NEB: variants seen among roughly 807,000 people sequenced by gnomAD.
NEB encodes nemaline myopathy type 2.
Under a neutral mutation model 952.2 loss-of-function variants are expected in NEB, and 512 were observed. The observed-to-expected ratio is 0.54, with a 90% CI of 0.50 to 0.58. The LOEUF (loss-of-function observed/expected upper bound fraction) is 0.58, where lower values mean the gene tolerates loss of function less well. Ranked by LOEUF, NEB falls within the 20% of genes least tolerant of loss-of-function variation. The pLI, the probability that NEB is intolerant of heterozygous loss-of-function variation, is 0.00. For synonymous variants in NEB, 2,900 were observed against 3,149.8 expected (o/e 0.92, Z 2.66); for missense variants, 8,428 against 9,231.1 (o/e 0.91, Z 3.56).
In NEB at chr2:151,692,323, T is replaced by C; in HGVS notation, c.1936A>G (p.Ser646Gly). The change falls in exon 21 of 182, where the codon AGT (serine) becomes GGT (glycine). Residue 646 changes from serine to glycine, a missense_variant. Coordinates refer to ENST00000397345, the MANE Select transcript of NEB (RefSeq NM_001164508.2). ...TTTGGGGTCTCACAGTAATTCATAC[T>C]CTTTGCCTTTGTCTTCTCATAGTTT... Reference protein sequence around the residue: ...KENYEKTKAKSMNYCETPKYQ... With the variant: ...KENYEKTKAKGMNYCETPKYQ... 1 of 1,613,406 alleles carries C rather than the reference T, an allele frequency of 6.2e-7. No homozygotes were observed. Among genetic ancestry groups the C allele is most frequent in the Non-Finnish European group, 8.5e-7 (1 of 1,179,580 alleles).
rs149596493 is a variant in NEB, at chr2:151,553,904, C to T, written c.19550G>A (p.Arg6517His). Reference protein sequence around the residue: ...KKVSEIDYRLRLHEWICHPDL... With the variant: ...KKVSEIDYRLHLHEWICHPDL... ...GGGGTGGCAAATCCATTCGTGGAGG[C>T]GCAGGCGGTAATCAATCTCACTGAC... is the stretch of plus-strand genomic sequence containing the variant. Residue 6517 changes from arginine to histidine, a missense_variant, in exon 126 of 182, where the codon CGC becomes CAC. By Grantham distance (29) the Arg-to-His change is conservative. This residue lies in a region of NEB where 3,374 missense variants were observed against 3,651.5 expected (regional missense o/e 0.92). Coordinates refer to ENST00000397345, the MANE Select transcript of NEB (RefSeq NM_001164508.2). 288 of 1,613,802 alleles carry T rather than the reference C, an allele frequency of 1.8e-4. 1 individual carries two copies. The East Asian group carries it at 5.2e-3, about 29-fold the overall frequency.
chr2:151,511,265 A>G (rs1487314739), intron 161 of NEB, among the ~76,000 whole-genome samples: 3 of 152,232 alleles, frequency 2.0e-5, no homozygotes, highest in Non-Finnish European at 4.4e-5. Flanking sequence ...TAAAAAGCTA[A>G]TTATTCTTCT....
rs112099765 is a variant in NEB, at chr2:151,496,246, A to G, written c.24486+30T>C. 9.7e-4 allele frequency: 1,477 copies of G among 1,524,814 alleles called. 11 individuals are homozygous for G. In the African/African-American group the frequency reaches 0.016, roughly 17 times the overall value. 94.5% of individuals were successfully genotyped at this position (1,524,814 alleles called of 1,614,324 possible). ...CATAAAAGTAGTTTTTAAAATCAGT[A>G]AGTAGTTTTTTTCTTTTCTCGCCAA... On this transcript the variant is annotated intron_variant, in intron 173 of 181. Coordinates refer to ENST00000397345, the MANE Select transcript of NEB (RefSeq NM_001164508.2).
intron 40 of NEB, 149 bp from the exon 41 acceptor site, chr2:151,666,550 C>G (rs552817361): frequency 1.4e-6 from 1 of 728,362 alleles, no homozygotes; most frequent in African/African-American, 1.8e-5. Flanking sequence ...AAACAATTAG[C>G]AAAATATTTT....
rs1189151767 is a variant in NEB, at chr2:151,619,523, C to A, written c.10800G>T (p.Leu3600=). The change falls in exon 73 of 182, where the codon CTG becomes CTT. Residue 3600 remains leucine, a synonymous_variant. Transcript: ENST00000397345. ...GGTCGGGCAGGCAGATCCATTCATG[C>A]AGAGGATGTTTATAGTCCACATCGC... The part of the protein sequence containing the change: ...LVSDVDYKHP[L]HEWICLPDQN... 1.9e-6 allele frequency: 3 copies of A among 1,613,884 alleles called. No homozygotes were observed. Among genetic ancestry groups the A allele is most frequent in the Non-Finnish European group, 2.5e-6 (3 of 1,179,820 alleles).
In NEB at chr2:151,576,057, A is replaced by G; in HGVS notation, c.16908+94T>C. 4.8e-6 allele frequency: 5 copies of G among 1,049,208 alleles called. No homozygotes were observed. The South Asian group carries it at 8.8e-5, about 19-fold the overall frequency. The allele number at this position is 1,049,208 out of a possible 1,614,324, so 65.0% of individuals were successfully genotyped here. On this transcript the variant is annotated intron_variant, in intron 106 of 181. Transcript: ENST00000397345. The stretch of plus-strand genomic sequence containing the variant: ...ACTTAATAAAATTTTTGTTATTAAT[A>G]AAGTTTTTATTATTCTAAAATAAAT...
chr2:151,503,518 T>C, intron 165 of NEB, 77 bp from the exon 166 acceptor site: 2 of 943,410 alleles, frequency 2.1e-6, no homozygotes, highest in African/African-American at 1.6e-5. Flanking sequence ...TGTGGGCTAT[T>C]TGGGGGAAAC....
chr2:151,719,027 C>T (rs1349893450), intron 9 of NEB, among the ~76,000 whole-genome samples: 2 of 152,124 alleles, frequency 1.3e-5, no homozygotes, highest in Admixed American at 6.5e-5. Flanking sequence ...ACCATGACTC[C>T]CCTCTCAAGC....
chr2:151,561,167 G>T (rs4364020), intron 122 of NEB, 41 bp downstream of exon 122: 63 of 1,573,930 alleles, frequency 4.0e-5, no homozygotes, highest in Non-Finnish European at 4.9e-5. Flanking sequence ...ATAAAGACAA[G>T]AAATAGTTTG....
At chr2:151,689,542 T>A (rs988336326) in intron 24 of NEB, 1 of 152,174 alleles carries the variant, frequency 6.6e-6, no homozygotes, top group African/African-American at 2.4e-5. Flanking sequence ...CAGAACTTTA[T>A]TTAAATTTTT....
chr2:151,508,368 G>A (rs2071029075), intron 161 of NEB, among the ~76,000 whole-genome samples: 1 of 152,198 alleles, frequency 6.6e-6, no homozygotes, highest in South Asian at 2.1e-4. Flanking sequence ...GGCAGAGGGG[G>A]AACCTTGCTA....
chr2:151,560,924 G>A (rs928561923), intron 123 of NEB, 80 bp downstream of exon 123: 2 of 870,602 alleles, frequency 2.3e-6, no homozygotes, highest in African/African-American at 3.4e-5. Flanking sequence ...GGGAAAGAGT[G>A]TCCATCCCAT....
intron 13 of NEB, among the ~76,000 whole-genome samples, chr2:151,699,050 C>A (rs1419345837): frequency 7.1e-6 from 1 of 139,994 alleles, no homozygotes; most frequent in East Asian, 2.1e-4. Context: ...GTGTGATATT[C>A]CCCTTCCTGT....
chr2:151,609,621 T>G (rs559305221), intron 81 of NEB, among the ~76,000 whole-genome samples, 188 bp downstream of exon 81: 2 of 152,362 alleles, frequency 1.3e-5, no homozygotes, highest in African/African-American at 4.8e-5. Context: ...TTGTCTGAAA[T>G]ATGTTTTCAT....
At chr2:151,636,382 A>G (rs773258233) in intron 63 of NEB, 48 bp from the exon 64 acceptor site, 1 of 1,426,550 alleles carries the variant, frequency 7.0e-7, no homozygotes, top group Admixed American at 1.9e-5. Context: ...ATATCTAAAA[A>G]CTGACAGAGG....
chr2:151,550,738 A>G (rs1241158081), intron 129 of NEB, among the ~76,000 whole-genome samples: 2 of 152,084 alleles, frequency 1.3e-5, no homozygotes, highest in Non-Finnish European at 2.9e-5. Flanking sequence ...CCCTGGGCTG[A>G]GGTAATCTTT....
At chr2:151,634,598 C>T (rs747662736) in intron 64 of NEB, among the ~76,000 whole-genome samples, 1 of 151,958 alleles carries the variant, frequency 6.6e-6, no homozygotes, top group Non-Finnish European at 1.5e-5. Context: ...CCCAAAATTA[C>T]GCCACTGCAC....
chr2:151,656,388 A>G lies in NEB; in HGVS notation c.6260T>C (p.Leu2087Ser), dbSNP rs2099085656. ...GFRSLEDDPKLVHSMQVAKMQ... is the reference protein window; with the variant it reads ...GFRSLEDDPKSVHSMQVAKMQ... The stretch of plus-strand genomic sequence containing the variant: ...CTTAGCCACTTGCATGGAATGGACT[A>G]ATTTGGGATCATCCTCGAGACTGCG... The change falls in exon 49 of 182, where the codon TTA (leucine) becomes TCA (serine). Residue 2087 changes from leucine to serine, a missense_variant. Around this residue, in one of 11 missense-constraint regions of NEB, gnomAD observed 2,851 missense variants for 2,791.5 expected, o/e 1.02. Coordinates refer to ENST00000397345, the MANE Select transcript of NEB (RefSeq NM_001164508.2). 1.2e-6 allele frequency: 2 copies of G among 1,613,474 alleles called. No homozygotes were observed. Among genetic ancestry groups the G allele is most frequent in the African/African-American group, 2.7e-5 (2 of 74,850 alleles).
chr2:151,522,273 G>T (rs1231393412), intron 153 of NEB, among the ~76,000 whole-genome samples: 3 of 152,154 alleles, frequency 2.0e-5, no homozygotes, highest in Non-Finnish European at 4.4e-5. Flanking sequence ...CCGAGAATTA[G>T]AAAAGCTATT....
Sources: allele counts gnomAD v4.1 joint callset (sites outside exome capture counted in the v4.1 genomes callset), GRCh38; gene constraint gnomAD v4.1.1; regional missense constraint gnomAD v4.1.1; transcripts MANE v1.5; gene names NCBI Gene and HGNC (gene_info 2026-07-23, HGNC 2026-07-21).